Variants in PTP4A3 observed in about 807,000 individuals in gnomAD.
PTP4A3 encodes protein tyrosine phosphatase type IVA 3.
Under a neutral mutation model 15.2 loss-of-function variants are expected in PTP4A3, and 9 were observed. That is an observed-to-expected ratio of 0.59 (90% CI 0.36 to 1.03). The LOEUF is 1.03. Among genes scored for constraint, PTP4A3 ranks in the 50% least tolerant of loss-of-function variants. The probability of loss-of-function intolerance (pLI) is 0.02; values close to 1 mark genes in which losing one functional copy is unlikely to be tolerated. For synonymous variants in PTP4A3, 95 were observed against 102.0 expected (o/e 0.93, Z 0.41); for missense variants, 234 against 252.1 (o/e 0.93, Z 0.49).
At position 141,415,415 on chromosome 8, in the gene PTP4A3, G is replaced by A. The variant is rs1833000450; in HGVS notation, c.-853-5973G>A. 6.0e-5 allele frequency among the ~76,000 whole-genome samples: 9 copies of A among 151,036 alleles called. No homozygotes were observed. The South Asian group carries it at 1.9e-3, about 32-fold the overall frequency. ...GGCCCTAGGGACCGCCCTGTCCCCC[G>A]TGGGCCCCAGAGCCCAGGCCAGCGC... On this transcript the variant is annotated intron_variant, in intron 1 of 5. Coordinates refer to ENST00000521578, the MANE Select transcript of PTP4A3 (RefSeq NM_032611.3).
chr8:141,424,361 G>C (rs1470792280), intron 2 of PTP4A3, among the ~76,000 whole-genome samples: 1 of 152,144 alleles, frequency 6.6e-6, no homozygotes, highest in Non-Finnish European at 1.5e-5. Flanking sequence ...TTCCCTGGTC[G>C]TGTGGGGCTT....
chr8:141,417,100 C>T (rs1158473246), intron 1 of PTP4A3, among the ~76,000 whole-genome samples: 1 of 152,122 alleles, frequency 6.6e-6, no homozygotes, highest in Non-Finnish European at 1.5e-5. Context: ...ACAATGCTCC[C>T]AGGAGGCAGA....
rs1299962967 is a variant in PTP4A3, at chr8:141,406,552, T to C, written c.-854+14468T>C. ...ATCTGGATGCCCACTTCTTCCACTC[T>C]GCTCTGTTGGACCAATTAGGCCAAC... On this transcript the variant is annotated intron_variant, in intron 1 of 5. Coordinates refer to ENST00000521578, the MANE Select transcript of PTP4A3 (RefSeq NM_032611.3). The surrounding 1 kb of genome is among the most constrained non-coding windows in gnomAD (Gnocchi z 4.5). Among the ~76,000 whole-genome samples, 1 of 152,168 alleles carries C rather than the reference T, an allele frequency of 6.6e-6. No individual in the cohort carries two copies. The highest frequency in any genetic ancestry group is 2.4e-5 in the African/African-American group (1 of 41,442).
chr8:141,402,725 C>T (rs1411894052), intron 1 of PTP4A3, among the ~76,000 whole-genome samples: 1 of 151,604 alleles, frequency 6.6e-6, no homozygotes, highest in Non-Finnish European at 1.5e-5. Flanking sequence ...CTCACTTTCC[C>T]CCCACCCCTC....
At position 141,416,029 on chromosome 8, in the gene PTP4A3, C is replaced by G. The variant is rs575500296; in HGVS notation, c.-853-5359C>G. Among the ~76,000 whole-genome samples the G allele has an allele frequency of 2.0e-5, 3 of 152,166 alleles. No individual in the cohort carries two copies. In the South Asian group the frequency reaches 6.2e-4, roughly 32 times the overall value. Reference sequence around the variant, plus strand: ...TCCGAAAGGCCTGGGGCTGTGCCAGCTGCAGCAGGTGCCTCCCAGGCCCGG... The same window carrying G: ...TCCGAAAGGCCTGGGGCTGTGCCAGGTGCAGCAGGTGCCTCCCAGGCCCGG... On this transcript the variant is annotated intron_variant, in intron 1 of 5. Coordinates refer to ENST00000521578, the MANE Select transcript of PTP4A3 (RefSeq NM_032611.3).
At chr8:141,426,447 C>T (rs914092235) in intron 3 of PTP4A3, 19 of 985,446 alleles carry the variant, frequency 1.9e-5, no homozygotes, top group Non-Finnish European at 2.3e-5. Context: ...CCCTGTCTCG[C>T]CCCACAGCCC....
chr8:141,409,466 C>T (rs1176271998), intron 1 of PTP4A3, among the ~76,000 whole-genome samples: 3 of 152,190 alleles, frequency 2.0e-5, no homozygotes, highest in Non-Finnish European at 4.4e-5. Context: ...GATTGTGGCC[C>T]GACCTCCTGC....
intron 1 of PTP4A3, among the ~76,000 whole-genome samples, chr8:141,399,809 T>TG (rs1832540851): frequency 6.6e-6 from 1 of 152,198 alleles, no homozygotes; most frequent in Non-Finnish European, 1.5e-5. Context: ...GTTGTGTTCT[T>TG]GGGGCAGGCT....
chr8:141,407,252 TCA>T (rs1282928719), intron 1 of PTP4A3, among the ~76,000 whole-genome samples: 1 of 152,210 alleles, frequency 6.6e-6, no homozygotes, highest in Non-Finnish European at 1.5e-5. Flanking sequence ...CTCCATTCCT[TCA>T]CACACGTGGG....
At chr8:141,417,839 G>A (rs1366093809) in intron 1 of PTP4A3, among the ~76,000 whole-genome samples, 1 of 151,968 alleles carries the variant, frequency 6.6e-6, no homozygotes, top group Non-Finnish European at 1.5e-5. Flanking sequence ...CCGGCAGCCG[G>A]GTCGCCCGCC....
chr8:141,428,061 C>T (rs919953250), intron 5 of PTP4A3, among the ~76,000 whole-genome samples: 7 of 152,118 alleles, frequency 4.6e-5, no homozygotes, highest in African/African-American at 1.4e-4. Flanking sequence ...CCCGCCACGC[C>T]GTCCTGCCCG....
rs1467626839 is a variant in PTP4A3, at chr8:141,419,152, G to A, written c.-853-2236G>A. ...GGCCTTCAGTGGGGGGTAGTGTGGG[G>A]TGGTTCGGAGCCTCCTCCCTCCCAG... On this transcript the variant is annotated intron_variant, in intron 1 of 5. Transcript: ENST00000521578. 7.9e-5 allele frequency among the ~76,000 whole-genome samples: 12 copies of A among 152,260 alleles called. No homozygotes were observed. The East Asian group carries it at 9.7e-4, about 12-fold the overall frequency.
intron 1 of PTP4A3, among the ~76,000 whole-genome samples, chr8:141,403,386 C>A (rs1274829792): frequency 6.6e-6 from 1 of 152,162 alleles, no homozygotes; most frequent in African/African-American, 2.4e-5. Flanking sequence ...GGGGAGATGG[C>A]CTGGCTGGGC....
At chr8:141,417,755 C>T (rs566191079) in intron 1 of PTP4A3, among the ~76,000 whole-genome samples, 5 of 152,008 alleles carry the variant, frequency 3.3e-5, no homozygotes, top group African/African-American at 1.2e-4. Context: ...TCCTCTTCCC[C>T]GCGCCCGCCC....
chr8:141,393,295 T>A (rs1000641416), intron 1 of PTP4A3, among the ~76,000 whole-genome samples: 2 of 152,194 alleles, frequency 1.3e-5, no homozygotes, highest in Non-Finnish European at 2.9e-5. Context: ...GCGTTGGAGC[T>A]GCTGTAAATG....
chr8:141,420,329 C>T (rs981763917), intron 1 of PTP4A3, among the ~76,000 whole-genome samples: 30 of 152,172 alleles, frequency 2.0e-4, no homozygotes, highest in African/African-American at 7.0e-4. Flanking sequence ...TGCCCAAATA[C>T]AGCTTGGGTC....
At chr8:141,397,662 C>A (rs1407958731) in intron 1 of PTP4A3, among the ~76,000 whole-genome samples, 1 of 152,218 alleles carries the variant, frequency 6.6e-6, no homozygotes, top group Non-Finnish European at 1.5e-5. Context: ...GGCCTGAGTG[C>A]CTCGGTGGCT....
At chr8:141,421,132 C>T (rs1329085372) in intron 1 of PTP4A3, among the ~76,000 whole-genome samples, 1 of 152,350 alleles carries the variant, frequency 6.6e-6, no homozygotes. Context: ...CTCTGTCCTC[C>T]GTCATGCCCT....
At chr8:141,427,533 C>A (rs1314526791) in intron 4 of PTP4A3, among the ~76,000 whole-genome samples, 2 of 152,222 alleles carry the variant, frequency 1.3e-5, no homozygotes, top group Non-Finnish European at 2.9e-5. Context: ...ATTTAACCCT[C>A]CCCCAGCAGA....
Sources: allele counts gnomAD v4.1 joint callset (sites outside exome capture counted in the v4.1 genomes callset), GRCh38; gene constraint gnomAD v4.1.1; non-coding constraint Gnocchi (gnomAD v3.1); transcripts MANE v1.5; gene names NCBI Gene and HGNC (gene_info 2026-07-23, HGNC 2026-07-21).